PCBD2: variants seen among roughly 807,000 people sequenced by gnomAD.
The protein encoded by PCBD2 is pterin-4 alpha-carbinolamine dehydratase 2, also known as pterin-4-alpha-carbinolamine dehydratase 2.
In PCBD2, 12 loss-of-function variants were observed where a neutral mutation model predicts 16.4. The observed-to-expected ratio is 0.73, with a 90% CI of 0.47 to 1.19. The LOEUF (loss-of-function observed/expected upper bound fraction) is 1.19, where lower values mean the gene tolerates loss of function less well. PCBD2 is among the 50% of genes most tolerant of loss of function. PCBD2 has a pLI of 0.00. For synonymous variants in PCBD2, 58 were observed against 61.8 expected (o/e 0.94, Z 0.29); for missense variants, 138 against 156.8 (o/e 0.88, Z 0.64).
intron 2 of PCBD2, chr5:134,926,915 G>A (rs1214747501): frequency 1.0e-5 from 4 of 398,186 alleles, no homozygotes; most frequent in Admixed American, 8.8e-5. Flanking sequence ...CTCCTAGTAG[G>A]TTAATAGTGG....
chr5:134,925,358 G>T, intron 2 of PCBD2: 1 of 398,432 alleles, frequency 2.5e-6, no homozygotes, highest in South Asian at 1.3e-4. Context: ...GTTGAAGTAA[G>T]AGGTATGGTT....
At position 134,927,794 on chromosome 5, in the gene PCBD2, T is replaced by C. The variant is rs748113131; in HGVS notation, c.216+17328T>C. ...ATAGTGGTTCATTGGATAAGTGGCG[T>C]TGGCTTGCCATGATTGTGAGGGGCA... On this transcript the variant is annotated intron_variant, in intron 2 of 3. Transcript: ENST00000254908. The C allele has an allele frequency of 1.0e-5, 4 of 394,268 alleles. 1 individual carries two copies. Among genetic ancestry groups the C allele is most frequent in the Admixed American group, 4.4e-5 (1 of 22,500 alleles). The allele number at this position is 394,268 out of a possible 1,614,324, so 24.4% of individuals were successfully genotyped here.
In PCBD2 at chr5:134,907,767, C is replaced by T. The variant is rs368574182; in HGVS notation, c.84+2544C>T. 2.3e-3 allele frequency among the ~76,000 whole-genome samples: 353 copies of T among 150,804 alleles called. 1 individual carries two copies. The highest frequency in any genetic ancestry group is 6.6e-3 in the East Asian group (33 of 5,016). On this transcript the variant is annotated intron_variant, in intron 1 of 3. Transcript: ENST00000254908. ...CCTCCTGAGTAGCAGGGACTACAGGCGCCTGCCACCACGCCCAGCTAATTT... is the reference window on the plus strand; with the variant it reads ...CCTCCTGAGTAGCAGGGACTACAGGTGCCTGCCACCACGCCCAGCTAATTT...
chr5:134,953,391 T>A (rs1045128209), intron 2 of PCBD2, among the ~76,000 whole-genome samples: 5 of 149,078 alleles, frequency 3.4e-5, no homozygotes, highest in South Asian at 2.1e-4. Context: ...TATATATATA[T>A]AATACCTATA....
intron 2 of PCBD2, among the ~76,000 whole-genome samples, chr5:134,939,106 C>G (rs954245459): frequency 3.9e-5 from 6 of 151,988 alleles, no homozygotes; most frequent in African/African-American, 1.4e-4. Context: ...ATATACCTGA[C>G]TATACTTACT....
At chr5:134,919,495 G>C (rs1037526991) in intron 2 of PCBD2, among the ~76,000 whole-genome samples, 1 of 152,156 alleles carries the variant, frequency 6.6e-6, no homozygotes, top group Non-Finnish European at 1.5e-5. Flanking sequence ...TTTCATTTAT[G>C]TAAATTGCTT....
At chr5:134,925,868 G>A (rs1399320779) in intron 2 of PCBD2, 1 of 393,618 alleles carries the variant, frequency 2.5e-6, no homozygotes, top group Admixed American at 4.4e-5. Flanking sequence ...ATTTGTTGTG[G>A]GTCTCATGAG....
intron 2 of PCBD2, among the ~76,000 whole-genome samples, chr5:134,922,181 C>A (rs980109270): frequency 4.6e-5 from 7 of 152,122 alleles, no homozygotes; most frequent in Admixed American, 4.6e-4. Flanking sequence ...AGGCCCTTTT[C>A]ATCTCAGTTC....
intron 2 of PCBD2, chr5:134,925,464 G>A (rs1165595617): frequency 4.5e-5 from 18 of 398,540 alleles, no homozygotes; most frequent in African/African-American, 2.1e-4. Flanking sequence ...TGAAGAAGGC[G>A]TGGGTACAGA....
intron 2 of PCBD2, among the ~76,000 whole-genome samples, chr5:134,941,498 G>T (rs944165694): frequency 3.9e-5 from 6 of 152,166 alleles, no homozygotes; most frequent in African/African-American, 1.4e-4. Flanking sequence ...AGAGTTCAAA[G>T]ATCTTTATAT....
At chr5:134,917,477 A>G (rs1750848021) in intron 2 of PCBD2, among the ~76,000 whole-genome samples, 1 of 152,214 alleles carries the variant, frequency 6.6e-6, no homozygotes, top group Non-Finnish European at 1.5e-5. Context: ...ATGGTGATTC[A>G]GGAGGAAGGG....
intron 2 of PCBD2, among the ~76,000 whole-genome samples, chr5:134,947,416 C>T (rs1414774292): frequency 4.2e-5 from 4 of 95,816 alleles, no homozygotes; most frequent in African/African-American, 4.2e-5. Flanking sequence ...TTTTTTGAGA[C>T]GGAGTCTCGC....
chr5:134,933,528 A>AC (rs1751122688), intron 2 of PCBD2, among the ~76,000 whole-genome samples: 1 of 152,240 alleles, frequency 6.6e-6, no homozygotes, highest in Non-Finnish European at 1.5e-5. Context: ...GAGCCACTGC[A>AC]GCTGGCTTAC....
intron 1 of PCBD2, 186 bp downstream of exon 1, chr5:134,905,409 G>T (rs962833234): frequency 7.0e-6 from 3 of 429,068 alleles, no homozygotes; most frequent in Non-Finnish European, 1.2e-5. Flanking sequence ...AGAGACCGGG[G>T]TGGCCGCAGC....
chr5:134,960,471 A>G (rs1041489772), intron 3 of PCBD2, 115 bp from the exon 4 acceptor site: 16 of 711,784 alleles, frequency 2.2e-5, no homozygotes, highest in Admixed American at 3.1e-5. Context: ...AAATCATTTA[A>G]TCCCCCTAAT....
intron 2 of PCBD2, among the ~76,000 whole-genome samples, chr5:134,949,297 T>A (rs1166754003): frequency 6.6e-6 from 1 of 152,184 alleles, no homozygotes; most frequent in Non-Finnish European, 1.5e-5. Flanking sequence ...ATTGGTCTTC[T>A]GCTAGGTTTG....
chr5:134,949,919 C>T (rs149743631), intron 2 of PCBD2, among the ~76,000 whole-genome samples: 3 of 152,220 alleles, frequency 2.0e-5, no homozygotes, highest in Non-Finnish European at 4.4e-5. Flanking sequence ...AGTGCAGACT[C>T]TAGCTGAAAT....
At position 134,930,723 on chromosome 5, in the gene PCBD2, G is replaced by A. The variant is rs143285697; in HGVS notation, c.216+20257G>A. Among the ~76,000 whole-genome samples, 310 of 152,236 alleles carry A rather than the reference G, an allele frequency of 2.0e-3. 5 individuals are homozygous for A. Among genetic ancestry groups the A allele is most frequent in the Admixed American group, 0.016 (241 of 15,304 alleles). On this transcript the variant is annotated intron_variant, in intron 2 of 3. Coordinates refer to ENST00000254908, the MANE Select transcript of PCBD2 (RefSeq NM_032151.5). ...GCCACCCACAACTACAGCCACAATCGGATGAGAATATTGATGTCCTGAGGG... is the reference window on the plus strand; with the variant it reads ...GCCACCCACAACTACAGCCACAATCAGATGAGAATATTGATGTCCTGAGGG...
chr5:134,929,346 CAAAA>C (rs74273275), intron 2 of PCBD2, among the ~76,000 whole-genome samples: 15 of 91,370 alleles, frequency 1.6e-4, no homozygotes, highest in Non-Finnish European at 1.3e-4. Flanking sequence ...GACCTTGTCT[CAAAA>C]AAAAAAAAAA....
Sources: gnomAD v4.1 joint callset for allele counts (sites outside exome capture counted in the v4.1 genomes callset) on GRCh38, gnomAD v4.1.1 for gene constraint, MANE v1.5 for transcripts, NCBI Gene and HGNC (gene_info 2026-07-23, HGNC 2026-07-21) for gene names.